Variants in SLC5A11 observed in about 807,000 individuals in gnomAD.
SLC5A11 encodes the protein sodium/myo-inositol cotransporter 2.
In SLC5A11, 48 loss-of-function variants were observed where a neutral mutation model predicts 69.8. The observed-to-expected ratio is 0.69, with a 90% CI of 0.55 to 0.87. SLC5A11 has a LOEUF of 0.87. SLC5A11 is among the 40% of genes least tolerant of loss of function. The pLI is 0.00. For synonymous variants in SLC5A11, 319 were observed against 342.4 expected (o/e 0.93, Z 0.75); for missense variants, 784 against 866.1 (o/e 0.91, Z 1.19).
intron 10 of SLC5A11, among the ~76,000 whole-genome samples, chr16:24,901,236 A>G (rs907213483): frequency 6.6e-6 from 1 of 152,158 alleles, no homozygotes; most frequent in Non-Finnish European, 1.5e-5. Flanking sequence ...TACATGTATT[A>G]CCTCATTTCA....
chr16:24,867,201 G>A (rs556039309), intron 3 of SLC5A11, among the ~76,000 whole-genome samples: 1 of 152,246 alleles, frequency 6.6e-6, no homozygotes, highest in South Asian at 2.1e-4. Context: ...ACAGTGGAAT[G>A]AAATTATAAA....
intron 3 of SLC5A11, among the ~76,000 whole-genome samples, chr16:24,868,739 C>T (rs2152292169): frequency 6.6e-6 from 1 of 152,190 alleles, no homozygotes; most frequent in Non-Finnish European, 1.5e-5. Context: ...ACAGGAAAGT[C>T]AATAAGGAGG....
chr16:24,866,792 A>G (rs1057224069), intron 3 of SLC5A11, among the ~76,000 whole-genome samples: 7 of 152,124 alleles, frequency 4.6e-5, no homozygotes. Flanking sequence ...CAAAAAAGAA[A>G]ATTACATAAT....
At chr16:24,910,139 G>A (rs12599857) in intron 14 of SLC5A11, among the ~76,000 whole-genome samples, 167 bp from the exon 16 acceptor site, 1 of 143,620 alleles carries the variant, frequency 7.0e-6, no homozygotes, top group Non-Finnish European at 1.5e-5. Flanking sequence ...TGATGTTGAA[G>A]AGTGCAGGAA....
In SLC5A11 at chr16:24,860,089, G is replaced by A. The variant is rs939259852; in HGVS notation, c.135+1311G>A. On this transcript the variant is annotated intron_variant, in intron 2 of 15. Coordinates refer to ENST00000347898, the Ensembl canonical transcript of SLC5A11. ...TCACTTGAGGCCAGGAGTTTGAGAC[G>A]AGCCTGGCCAATGTGGTGAAACCCC... Among the ~76,000 whole-genome samples, 12 of 152,122 alleles carry A rather than the reference G, an allele frequency of 7.9e-5. 1 individual carries two copies. The highest frequency in any genetic ancestry group is 1.3e-4 in the Admixed American group (2 of 15,268).
chr16:24,897,887 G>A (rs2049291739), intron 9 of SLC5A11, 87 bp from the exon 11 acceptor site: 1 of 1,514,656 alleles, frequency 6.6e-7, no homozygotes, highest in African/African-American at 1.4e-5. Flanking sequence ...GGAATTATGG[G>A]AGCTACAATT....
intron 8 of SLC5A11, 52 bp downstream of exon 9, chr16:24,884,183 A>G (rs746384660): frequency 2.6e-6 from 4 of 1,551,432 alleles, no homozygotes. Context: ...TCTCTCCAGC[A>G]GGGATATCTG....
chr16:24,878,802 G>A (rs2047854806), intron 7 of SLC5A11, among the ~76,000 whole-genome samples: 1 of 152,312 alleles, frequency 6.6e-6, no homozygotes, highest in African/African-American at 2.4e-5. Flanking sequence ...GGAGGCCGAG[G>A]CGGGTGGATC....
intron 7 of SLC5A11, among the ~76,000 whole-genome samples, chr16:24,883,162 C>T (rs543757002): frequency 5.8e-4 from 88 of 152,206 alleles, no homozygotes; most frequent in African/African-American, 1.7e-3. Context: ...GCCAGGAGTT[C>T]GGGCCCACCC....
intron 9 of SLC5A11, among the ~76,000 whole-genome samples, chr16:24,892,242 T>C (rs911806699): frequency 6.6e-6 from 1 of 151,580 alleles, no homozygotes; most frequent in African/African-American, 2.4e-5. Context: ...TCTCAAATAA[T>C]GTAGGGTGCT....
At chr16:24,897,163 AG>A (rs2049242476) in intron 9 of SLC5A11, among the ~76,000 whole-genome samples, 1 of 151,906 alleles carries the variant, frequency 6.6e-6, no homozygotes, top group Non-Finnish European at 1.5e-5. Context: ...CATGTTGGCC[AG>A]GCTGGTCTTG....
At chr16:24,848,061 A>G (rs1055982823) in intron 1 of SLC5A11, among the ~76,000 whole-genome samples, 3 of 152,186 alleles carry the variant, frequency 2.0e-5, no homozygotes, top group African/African-American at 7.2e-5. Context: ...GATATACAGC[A>G]GGCTGACATC....
intron 6 of SLC5A11, among the ~76,000 whole-genome samples, chr16:24,876,747 AC>A (rs1458174806): frequency 6.6e-6 from 1 of 152,224 alleles, no homozygotes; most frequent in Non-Finnish European, 1.5e-5. Flanking sequence ...GGAGGAACTT[AC>A]AGTTAGAGAA....
chr16:24,901,876 G>C (rs537721075), intron 10 of SLC5A11, among the ~76,000 whole-genome samples: 11 of 151,194 alleles, frequency 7.3e-5, no homozygotes, highest in Non-Finnish European at 1.3e-4. Context: ...CTTGAGCCCA[G>C]GAGTTTGAGA....
intron 10 of SLC5A11, among the ~76,000 whole-genome samples, chr16:24,905,667 C>T (rs1166221771): frequency 1.3e-5 from 2 of 151,766 alleles, no homozygotes; most frequent in South Asian, 2.1e-4. Flanking sequence ...CACACACACA[C>T]ACACACACAC....
At chr16:24,868,595 T>C (rs1306206168) in intron 3 of SLC5A11, among the ~76,000 whole-genome samples, 1 of 51,896 alleles carries the variant, frequency 1.9e-5, no homozygotes, top group Non-Finnish European at 3.9e-5. Flanking sequence ...AGACTCCGCC[T>C]CAAAAAAAAA....
chr16:24,900,550 C>G (rs1175407447), intron 10 of SLC5A11, among the ~76,000 whole-genome samples: 1 of 152,106 alleles, frequency 6.6e-6, no homozygotes, highest in Non-Finnish European at 1.5e-5. Flanking sequence ...GAGTTAAGAA[C>G]TGGGATCTGG....
intron 10 of SLC5A11, among the ~76,000 whole-genome samples, chr16:24,906,370 G>T (rs1326750081): frequency 2.0e-5 from 3 of 149,744 alleles, no homozygotes; most frequent in East Asian, 2.0e-4. Context: ...AGACATTATT[G>T]TAAGATTGGC....
At chr16:24,852,550 G>A (rs1212537340) in intron 1 of SLC5A11, among the ~76,000 whole-genome samples, 1 of 152,122 alleles carries the variant, frequency 6.6e-6, no homozygotes. Context: ...CTTCACAAGA[G>A]GTGAAGAAGG....
Sources: allele counts gnomAD v4.1 joint callset (sites outside exome capture counted in the v4.1 genomes callset), GRCh38; gene constraint gnomAD v4.1.1; transcripts MANE v1.5; gene names NCBI Gene and HGNC (gene_info 2026-07-23, HGNC 2026-07-21).